Variants in TSC2 observed in about 807,000 individuals in gnomAD.
TSC2 encodes tuberin.
A neutral mutation model predicts 202.2 loss-of-function variants in TSC2; 29 were observed. The ratio of observed to expected loss-of-function variants is 0.14; its 90% CI spans 0.11 to 0.20. The LOEUF is 0.20. TSC2 is among the 10% of genes least tolerant of loss of function. The pLI is 1.00. For synonymous variants in TSC2, 1,349 were observed against 1,044.0 expected, an observed-to-expected ratio of 1.29 and a Z score of -5.63; for missense variants, 2,429 against 2,420.0, an observed-to-expected ratio of 1.00 and a Z score of -0.08.
intron 22 of TSC2, among the ~76,000 whole-genome samples, chr16:2,075,561 A>G (rs1038149834): frequency 2.0e-5 from 3 of 149,722 alleles, no homozygotes; most frequent in Admixed American, 2.0e-4. Flanking sequence ...GAGGTGCGGA[A>G]GCCTTTCCTC....
In TSC2 at chr16:2,088,207, C is replaced by A. The variant is rs200315428; in HGVS notation, c.5161-20C>A. On this transcript the variant is annotated intron_variant, in intron 40 of 41. Coordinates refer to ENST00000219476, the MANE Select transcript of TSC2 (RefSeq NM_000548.5). ...CAGGTGCCACCTGATAGTGAGCTCACCCCCTGCCTACGTCCCCAGATGGCC... is the reference window on the plus strand; with the variant it reads ...CAGGTGCCACCTGATAGTGAGCTCAACCCCTGCCTACGTCCCCAGATGGCC... 2 of 1,613,020 alleles carry A rather than the reference C, an allele frequency of 1.2e-6. No individual in the cohort carries two copies. The highest frequency in any genetic ancestry group is 1.7e-6 in the Non-Finnish European group (2 of 1,179,928).
chr16:2,062,140 T>G (rs904584443), intron 12 of TSC2, 132 bp downstream of exon 12: 1 of 1,345,058 alleles, frequency 7.4e-7, no homozygotes, highest in Non-Finnish European at 1.0e-6. Flanking sequence ...GTTTCTGCAC[T>G]CGGCAGGGAA....
intron 3 of TSC2, among the ~76,000 whole-genome samples, chr16:2,051,253 C>T (rs1007877796): frequency 5.3e-5 from 8 of 150,284 alleles, no homozygotes; most frequent in Non-Finnish European, 8.9e-5. Context: ...CCGGGAGGCA[C>T]AGGTTGCAGT....
intron 32 of TSC2, chr16:2,083,271 G>T: frequency 2.2e-6 from 1 of 459,592 alleles, no homozygotes; most frequent in Non-Finnish European, 4.4e-6. Context: ...CTCTGCTCTT[G>T]GGAGCAGTCT....
At chr16:2,061,347 A>C (rs1381692093) in intron 11 of TSC2, 1 of 283,050 alleles carries the variant, frequency 3.5e-6, no homozygotes, top group African/African-American at 2.2e-5. Flanking sequence ...GGAGGCCGGG[A>C]CTTCGCCGGG....
chr16:2,082,716 T>G, intron 32 of TSC2: 4 of 634,760 alleles, frequency 6.3e-6, no homozygotes, highest in Non-Finnish European at 5.7e-6. Context: ...CTGAGCCCTG[T>G]TCCCACGCTG....
intron 18 of TSC2, 75 bp from the exon 19 acceptor site, chr16:2,071,709 A>G (rs2088430876): frequency 6.3e-7 from 1 of 1,595,838 alleles, no homozygotes; most frequent in Non-Finnish European, 8.5e-7. Flanking sequence ...GGGATGTCCC[A>G]GGGTTGGGAA....
At position 2,075,829 on chromosome 16, in the gene TSC2, A is replaced by C. The variant is rs878854085; in HGVS notation, c.2576A>C (p.Asn859Thr). The C allele has an allele frequency of 6.2e-7, 1 of 1,612,884 alleles. No homozygotes were observed. Among genetic ancestry groups the C allele is most frequent in the Non-Finnish European group, 8.5e-7 (1 of 1,179,924 alleles). The change falls in exon 23 of 42, where the codon AAC (asparagine) becomes ACC (threonine). Residue 859 changes from asparagine to threonine, a missense_variant. Physicochemically the swap from Asn to Thr is moderately conservative, Grantham distance 65 (BLOSUM62 0). Transcript: ENST00000219476. Reference protein sequence around the residue: ...TLARLPHLYRNFAAEQYASVF... With the variant: ...TLARLPHLYRTFAAEQYASVF... ...GCCAGGCTGCCGCACCTCTACAGGA[A>C]CTTTGCCGCGGAGCAGTATGCCAGT...
intron 4 of TSC2, chr16:2,053,704 T>C (rs1338496408): frequency 4.7e-6 from 3 of 636,626 alleles, no homozygotes; most frequent in Non-Finnish European, 8.8e-6. Flanking sequence ...CTGGGGATCA[T>C]ATGAGGCAGT....
intron 11 of TSC2, 200 bp from the exon 12 acceptor site, chr16:2,061,671 C>T: frequency 1.2e-6 from 1 of 824,528 alleles, no homozygotes; most frequent in South Asian, 1.5e-5. Flanking sequence ...CAGGGTGGCC[C>T]CTGGAGAGGA....
chr16:2,069,277 A>C (rs939327427), intron 16 of TSC2, among the ~76,000 whole-genome samples: 1 of 152,042 alleles, frequency 6.6e-6, no homozygotes. Flanking sequence ...TGTTGCTTTT[A>C]TGTCATAATA....
intron 1 of TSC2, 48 bp downstream of exon 1, chr16:2,048,113 G>A (rs1330177415): frequency 1.4e-6 from 2 of 1,478,344 alleles, no homozygotes; most frequent in South Asian, 2.7e-5. Flanking sequence ...ACGGGGCAGC[G>A]GCCTAGAGAG....
intron 5 of TSC2, 151 bp from the exon 6 acceptor site, chr16:2,055,251 C>A: frequency 1.4e-6 from 1 of 734,660 alleles, no homozygotes; most frequent in Admixed American, 1.9e-5. Context: ...CTCTTCGGGC[C>A]CAGTGCGTGG....
Position 2,079,235 on chromosome 16 carries a change from G to A in TSC2, c.3131+39G>A, listed in dbSNP as rs2151436154. 6.2e-7 allele frequency: 1 copy of A among 1,612,972 alleles called. No individual in the cohort carries two copies. Among genetic ancestry groups the A allele is most frequent in the Non-Finnish European group, 8.5e-7 (1 of 1,180,030 alleles). On this transcript the variant is annotated intron_variant, in intron 27 of 41. Coordinates refer to ENST00000219476, the MANE Select transcript of TSC2 (RefSeq NM_000548.5). The surrounding 1 kb of genome is among the most constrained non-coding windows in gnomAD (Gnocchi z 4.6). Reference sequence around the variant, plus strand: ...TACAGGGCTGGGCGGGCCTGCGGGAGCTCCACGGGCAAGCTGGGTTTCACG... The same window carrying A: ...TACAGGGCTGGGCGGGCCTGCGGGAACTCCACGGGCAAGCTGGGTTTCACG...
chr16:2,056,635 C>G lies in TSC2; in HGVS notation c.649-9C>G, dbSNP rs781099543. On this transcript the variant is annotated splice_polypyrimidine_tract_variant and intron_variant, in intron 7 of 41. Transcript: ENST00000219476. ...TAGGACGGGCGTGAGCCGTCTCCCT[C>G]TCCACCAGGTCTCCCTGCAGGTGCT... The G allele has an allele frequency of 1.2e-5, 20 of 1,609,302 alleles. No homozygotes were observed. In the African/African-American group the frequency reaches 2.4e-4, roughly 19 times the overall value.
Position 2,062,603 on chromosome 16 carries a change from AG to A in TSC2, c.1361+8del, listed in dbSNP as rs746102053. 5 of 1,603,484 alleles carry A rather than the reference AG, an allele frequency of 3.1e-6. No homozygotes were observed. The African/African-American group carries it at 4.0e-5, about 13-fold the overall frequency. The stretch of plus-strand genomic sequence containing the variant: ...GCGCTGATGGAGAGATTCTTCAGGT[AG>A]GGGGTCCTCTGTAGCCTTGCCTGGC... On this transcript the variant is annotated splice_donor_region_variant and intron_variant, in intron 13 of 41. Coordinates refer to ENST00000219476, the MANE Select transcript of TSC2 (RefSeq NM_000548.5).
intron 32 of TSC2, 128 bp downstream of exon 32, chr16:2,082,632 A>C (rs2090284990): frequency 9.5e-7 from 1 of 1,049,116 alleles, no homozygotes; most frequent in Admixed American, 1.8e-5. Context: ...GCAGGTCCCG[A>C]CTCGCATGAG....
chr16:2,078,606 AGG>A, intron 26 of TSC2: 1 of 294,622 alleles, frequency 3.4e-6, no homozygotes. Flanking sequence ...CGCCTGCCTG[AGG>A]GTGACGGTGG....
At chr16:2,082,656 A>G (rs1400940522) in intron 32 of TSC2, 152 bp downstream of exon 32, 1 of 861,410 alleles carries the variant, frequency 1.2e-6, no homozygotes, top group Admixed American at 2.0e-5. Flanking sequence ...GTCTGTGCAG[A>G]ATGTCTTTGG....
Sources: allele counts gnomAD v4.1 joint callset (sites outside exome capture counted in the v4.1 genomes callset), GRCh38; gene constraint gnomAD v4.1.1; non-coding constraint Gnocchi (gnomAD v3.1); transcripts MANE v1.5; gene names NCBI Gene and HGNC (gene_info 2026-07-23, HGNC 2026-07-21).